ZFAND3: variants seen among roughly 807,000 people sequenced by gnomAD.
ZFAND3 encodes the protein AN1-type zinc finger protein 3.
ZFAND3 carries 10 observed loss-of-function variants against 29.6 expected under a neutral mutation model. The observed-to-expected ratio is 0.34, with a 90% CI of 0.21 to 0.57. ZFAND3 has a LOEUF of 0.57. ZFAND3 is among the 20% of genes least tolerant of loss of function. ZFAND3 has a pLI of 0.86. For synonymous variants in ZFAND3, 128 were observed against 112.6 expected (o/e 1.14, Z -0.87); for missense variants, 230 against 304.5 (o/e 0.76, Z 1.82).
intron 2 of ZFAND3, among the ~76,000 whole-genome samples, chr6:37,996,898 A>G (rs1421059957): frequency 6.6e-6 from 1 of 151,728 alleles, no homozygotes; most frequent in African/African-American, 2.4e-5. Context: ...ATCTTTTGGG[A>G]TTGTTTTGGT....
intron 5 of ZFAND3, among the ~76,000 whole-genome samples, chr6:38,148,909 A>G (rs893697145): frequency 9.9e-5 from 15 of 152,236 alleles, no homozygotes; most frequent in Non-Finnish European, 8.8e-5. Context: ...AATTTATGCC[A>G]TCTAATAACC....
intron 4 of ZFAND3, among the ~76,000 whole-genome samples, chr6:38,110,740 G>A (rs528695495): frequency 6.6e-6 from 1 of 152,316 alleles, no homozygotes; most frequent in East Asian, 1.9e-4. Context: ...GGACGGTGTG[G>A]GTGAAGGGAA....
At chr6:38,062,405 T>TA in intron 3 of ZFAND3, 1 of 152,124 alleles carries the variant, frequency 6.6e-6, no homozygotes, top group East Asian at 1.9e-4. Flanking sequence ...TTTTTTTTTT[T>TA]AGATACTCAC....
At chr6:37,928,689 T>A (rs1289073385) in intron 1 of ZFAND3, among the ~76,000 whole-genome samples, 2 of 152,044 alleles carry the variant, frequency 1.3e-5, no homozygotes, top group African/African-American at 2.4e-5. Context: ...TAATTTTTTC[T>A]ATTTTTAGTA....
At chr6:37,997,736 A>G (rs1253787913) in intron 2 of ZFAND3, among the ~76,000 whole-genome samples, 5 of 152,248 alleles carry the variant, frequency 3.3e-5, no homozygotes, top group African/African-American at 9.6e-5. Context: ...TAGTGTATAC[A>G]GTGCCTGACA....
At chr6:37,896,514 TTTTCTTTC>T (rs58666227) in intron 1 of ZFAND3, among the ~76,000 whole-genome samples, 2,437 of 109,152 alleles carry the variant, frequency 0.022, 40 homozygotes, top group African/African-American at 0.041. Flanking sequence ...TTCCTCTTTC[TTTTCTTTC>T]TTTCTTTCTT....
At chr6:38,024,142 A>G (rs555054986) in intron 2 of ZFAND3, among the ~76,000 whole-genome samples, 2 of 152,282 alleles carry the variant, frequency 1.3e-5, no homozygotes, top group African/African-American at 4.8e-5. Flanking sequence ...AGCAGTTCCA[A>G]TACTAGTTAT....
intron 4 of ZFAND3, among the ~76,000 whole-genome samples, chr6:38,096,501 A>C (rs1764983326): frequency 6.6e-6 from 1 of 152,172 alleles, no homozygotes; most frequent in Non-Finnish European, 1.5e-5. Flanking sequence ...TTAGTGTTCT[A>C]AAATTTGTAG....
At chr6:37,826,636 T>C (rs1482006058) in intron 1 of ZFAND3, among the ~76,000 whole-genome samples, 1 of 151,866 alleles carries the variant, frequency 6.6e-6, no homozygotes, top group Non-Finnish European at 1.5e-5. Flanking sequence ...TCCTGTAGTC[T>C]CAGCTACTTG....
At chr6:38,033,504 C>T (rs557235669) in intron 2 of ZFAND3, among the ~76,000 whole-genome samples, 9 of 152,076 alleles carry the variant, frequency 5.9e-5, no homozygotes, top group Non-Finnish European at 1.2e-4. Context: ...AAGGAATGGC[C>T]TGCAGGCTGC....
intron 2 of ZFAND3, among the ~76,000 whole-genome samples, chr6:38,024,205 G>T (rs2127448521): frequency 6.6e-6 from 1 of 152,200 alleles, no homozygotes; most frequent in East Asian, 1.9e-4. Flanking sequence ...AGGTGTGGGG[G>T]CTCACGTCTG....
At chr6:37,989,722 A>G (rs1443658880) in intron 2 of ZFAND3, among the ~76,000 whole-genome samples, 1 of 152,168 alleles carries the variant, frequency 6.6e-6, no homozygotes, top group Non-Finnish European at 1.5e-5. Flanking sequence ...GTGTTCCAAG[A>G]TGGGTTCAGG....
chr6:37,993,471 C>T (rs1181499645), intron 2 of ZFAND3, among the ~76,000 whole-genome samples: 4 of 152,096 alleles, frequency 2.6e-5, no homozygotes, highest in African/African-American at 9.7e-5. Flanking sequence ...AGATTACAGG[C>T]GCGTGCCACC....
chr6:37,852,916 G>T (rs1425889712), intron 1 of ZFAND3, among the ~76,000 whole-genome samples: 1 of 151,842 alleles, frequency 6.6e-6, no homozygotes, highest in African/African-American at 2.4e-5. Context: ...GTTTCTCAAA[G>T]GGTGTCCATT....
chr6:37,836,791 T>A (rs1201443840), intron 1 of ZFAND3, among the ~76,000 whole-genome samples: 1 of 152,196 alleles, frequency 6.6e-6, no homozygotes, highest in African/African-American at 2.4e-5. Flanking sequence ...TAGGGTAATT[T>A]TTTAAAAAAC....
At position 38,003,738 on chromosome 6, in the gene ZFAND3, TC is replaced by T. The variant is rs758327354; in HGVS notation, c.113-57854del. On this transcript the variant is annotated intron_variant, in intron 2 of 5. Transcript: ENST00000287218. The stretch of plus-strand genomic sequence containing the variant: ...CCAGGCTGGCCTTGAACTCCTGAGC[TC>T]AAGTGATCCACCTGCCTCAGCCTCC... 3.0e-5 allele frequency: 13 copies of T among 431,800 alleles called. No individual in the cohort carries two copies. In the East Asian group the frequency reaches 3.3e-4, roughly 11 times the overall value. 26.7% of individuals were successfully genotyped at this position (431,800 alleles called of 1,614,324 possible).
intron 2 of ZFAND3, among the ~76,000 whole-genome samples, chr6:37,976,847 T>C (rs1020371130): frequency 6.6e-6 from 1 of 152,112 alleles, no homozygotes; most frequent in Non-Finnish European, 1.5e-5. Flanking sequence ...CATGATCCAG[T>C]CACCTTCCAC....
chr6:37,912,590 G>A (rs1765542627), intron 1 of ZFAND3, among the ~76,000 whole-genome samples: 1 of 152,140 alleles, frequency 6.6e-6, no homozygotes, highest in South Asian at 2.1e-4. Flanking sequence ...AAGTGTTGTG[G>A]GTTATTGTTA....
At chr6:37,956,658 A>G (rs1762090392) in intron 2 of ZFAND3, among the ~76,000 whole-genome samples, 2 of 152,224 alleles carry the variant, frequency 1.3e-5, no homozygotes, top group South Asian at 4.1e-4. Context: ...TTTTGGGGTC[A>G]CGGAACTTTG....
Sources: gnomAD v4.1 joint callset for allele counts (sites outside exome capture counted in the v4.1 genomes callset) on GRCh38, gnomAD v4.1.1 for gene constraint, MANE v1.5 for transcripts, NCBI Gene and HGNC (gene_info 2026-07-23, HGNC 2026-07-21) for gene names.